Variants in TOX3 observed in about 807,000 individuals in gnomAD.
The protein encoded by TOX3 is TOX high mobility group box family member 3.
A neutral mutation model predicts 64.3 loss-of-function variants in TOX3; 22 were observed. That is an observed-to-expected ratio of 0.34 (90% confidence interval 0.24 to 0.49). TOX3 has a LOEUF of 0.49. Ranked by LOEUF, TOX3 falls within the 20% of genes least tolerant of loss-of-function variation. The pLI is 0.99. For synonymous variants in TOX3, 291 were observed against 273.6 expected (o/e 1.06, Z -0.63); for missense variants, 661 against 714.4 (o/e 0.93, Z 0.85).
chr16:52,546,908 G>A lies in TOX3; in HGVS notation c.-185C>T, dbSNP rs1370998825. ...AGCCGCGGCCGCCGCACACAAAGGC[G>A]CGGCCACGCGAGCCGCGGGAGAGCG... is the stretch of plus-strand genomic sequence containing the variant. On this transcript the variant is annotated 5_prime_UTR_variant, in exon 1 of 7. Transcript: ENST00000219746. 5.4e-6 allele frequency: 6 copies of A among 1,102,580 alleles called. No homozygotes were observed. The highest frequency in any genetic ancestry group is 8.9e-5 in the South Asian group (2 of 22,406). 68.3% of individuals were successfully genotyped at this position (1,102,580 alleles called of 1,614,324 possible). A position where few individuals can be genotyped will look rare whatever the true frequency, so the allele number is the denominator to read the frequency against.
Position 52,474,913 on chromosome 16 carries a change from A to G in TOX3, c.88-6339T>C, listed in dbSNP as rs183290863. Among the ~76,000 whole-genome samples the G allele has an allele frequency of 2.0e-5, 3 of 152,198 alleles. No individual in the cohort carries two copies. In the East Asian group the frequency reaches 5.8e-4, roughly 30 times the overall value. On this transcript the variant is annotated intron_variant, in intron 1 of 6. Transcript: ENST00000219746. ...TCCTTCCCCTTTCTCACACTCCTCT[A>G]GCCTACTGGCTTCCTATTGTTCCTT...
At chr16:52,532,458 C>A (rs1596865041) in intron 1 of TOX3, among the ~76,000 whole-genome samples, 1 of 152,178 alleles carries the variant, frequency 6.6e-6, no homozygotes, top group South Asian at 2.1e-4. Flanking sequence ...AACTGAGGGA[C>A]CCCGGTGGAC....
chr16:52,524,969 T>TA (rs10708737), intron 1 of TOX3, among the ~76,000 whole-genome samples: 1,882 of 144,864 alleles, frequency 0.013, 10 homozygotes, highest in Middle Eastern at 0.029. Context: ...ATTATTAAAT[T>TA]AAAAAAAAAA....
chr16:52,449,733 A>C (rs1960277052), intron 4 of TOX3, among the ~76,000 whole-genome samples: 1 of 152,272 alleles, frequency 6.6e-6, no homozygotes, highest in Non-Finnish European at 1.5e-5. Flanking sequence ...GCATTTGGAA[A>C]AGTCATACTG....
In TOX3 at chr16:52,467,086, C is replaced by T. The variant is rs1960889098; in HGVS notation, c.153+1423G>A. Among the ~76,000 whole-genome samples, 5 of 152,290 alleles carry T rather than the reference C, an allele frequency of 3.3e-5. No homozygotes were observed. In the South Asian group the frequency reaches 1.0e-3, roughly 32 times the overall value. On this transcript the variant is annotated intron_variant, in intron 2 of 6. Transcript: ENST00000219746. ...TGTACATGGTTAAATACCATCTGTA[C>T]TGAAATGTTCAAAACATTTGTTCCT...
At chr16:52,459,228 G>A (rs1295360051) in intron 3 of TOX3, among the ~76,000 whole-genome samples, 1 of 152,110 alleles carries the variant, frequency 6.6e-6, no homozygotes. Flanking sequence ...AGGATCGCTT[G>A]AACACGGGAG....
intron 1 of TOX3, among the ~76,000 whole-genome samples, chr16:52,515,670 G>C (rs1263426385): frequency 6.6e-6 from 1 of 152,218 alleles, no homozygotes; most frequent in East Asian, 1.9e-4. Flanking sequence ...CGATTTAAGA[G>C]CTTTGAATTT....
chr16:52,476,672 T>C (rs1045107899), intron 1 of TOX3, among the ~76,000 whole-genome samples: 3 of 152,140 alleles, frequency 2.0e-5, no homozygotes, highest in African/African-American at 7.2e-5. Flanking sequence ...ACTACATCTT[T>C]TGTGTTAATT....
At chr16:52,541,367 A>G (rs12597887) in intron 1 of TOX3, among the ~76,000 whole-genome samples, 1 of 152,032 alleles carries the variant, frequency 6.6e-6, no homozygotes, top group African/African-American at 2.4e-5. Context: ...AAAATCTTCA[A>G]ACTTGAAGCC....
Position 52,436,862 on chromosome 16 carries a change from G to A in TOX3, c.*2363C>T, listed in dbSNP as rs2151734597. On this transcript the variant is annotated 3_prime_UTR_variant, in exon 7 of 7. Transcript: ENST00000219746. ...CATTTTTTTCCAAGCAATACTTCAT[G>A]GGTTTTCAAAATGACAATTACAGAA... 6.6e-6 allele frequency: 1 copy of A among 152,252 alleles called. No individual in the cohort carries two copies. The highest frequency in any genetic ancestry group is 1.9e-4 in the East Asian group (1 of 5,188). The allele number at this position is 152,252 out of a possible 1,614,324, so 9.4% of individuals were successfully genotyped here.
intron 6 of TOX3, among the ~76,000 whole-genome samples, chr16:52,440,316 C>T (rs529378462): frequency 1.1e-4 from 16 of 152,150 alleles, no homozygotes; most frequent in Non-Finnish European, 2.2e-4. Context: ...CACTGCCAGC[C>T]AGCCAACTGT....
In TOX3 at chr16:52,546,835, G is replaced by C. The variant is rs1963207074; in HGVS notation, c.-112C>G. 1 of 1,250,008 alleles carries C rather than the reference G, an allele frequency of 8.0e-7. No homozygotes were observed. Among genetic ancestry groups the C allele is most frequent in the Non-Finnish European group, 1.0e-6 (1 of 997,426 alleles). 77.4% of individuals were successfully genotyped at this position (1,250,008 alleles called of 1,614,324 possible). On this transcript the variant is annotated 5_prime_UTR_variant, in exon 1 of 7. Coordinates refer to ENST00000219746, the MANE Select transcript of TOX3 (RefSeq NM_001080430.4). ...GAGGGCGCCCGGGGGTGGCGCGTGGGACTCGCGGCCGGAGGGGCGCCGGGA... is the reference window on the plus strand; with the variant it reads ...GAGGGCGCCCGGGGGTGGCGCGTGGCACTCGCGGCCGGAGGGGCGCCGGGA...
chr16:52,440,914 C>G (rs1364446594), intron 6 of TOX3, among the ~76,000 whole-genome samples: 1 of 151,818 alleles, frequency 6.6e-6, no homozygotes, highest in African/African-American at 2.4e-5. Flanking sequence ...GTGCCCACCA[C>G]CACACCCAGC....
At chr16:52,485,279 T>C (rs895345569) in intron 1 of TOX3, among the ~76,000 whole-genome samples, 1 of 147,348 alleles carries the variant, frequency 6.8e-6, no homozygotes, top group Non-Finnish European at 1.5e-5. Flanking sequence ...TATACATATC[T>C]CCCATGGAAT....
At chr16:52,494,832 A>G (rs1483617210) in intron 1 of TOX3, among the ~76,000 whole-genome samples, 1 of 152,154 alleles carries the variant, frequency 6.6e-6, no homozygotes, top group Non-Finnish European at 1.5e-5. Context: ...GGTTTTTTTC[A>G]GTTTGTTTGC....
At chr16:52,449,054 C>T (rs565288209) in intron 4 of TOX3, among the ~76,000 whole-genome samples, 2 of 152,188 alleles carry the variant, frequency 1.3e-5, no homozygotes, top group Non-Finnish European at 1.5e-5. Flanking sequence ...AAAATGCCTG[C>T]TAATCTGGTA....
intron 3 of TOX3, among the ~76,000 whole-genome samples, chr16:52,456,553 C>A (rs1347808127): frequency 6.6e-6 from 1 of 152,178 alleles, no homozygotes; most frequent in Non-Finnish European, 1.5e-5. Context: ...CTCTCTCCAC[C>A]TGATGAAAGA....
rs867483801 is a variant in TOX3 at position 52,446,018 on chromosome 16, G to A, written c.882C>T (p.Asp294=). The A allele has an allele frequency of 6.2e-7, 1 of 1,613,788 alleles. No homozygotes were observed. Among genetic ancestry groups the A allele is most frequent in the African/African-American group, 1.3e-5 (1 of 74,946 alleles). Residue 294 remains aspartate, a synonymous_variant, in exon 5 of 7, where the codon GAC becomes GAT. Transcript: ENST00000219746. Reference sequence around the variant, plus strand: ...CCTGCTTTTGTTCTTCTCCAAGGCTGTCCCACATAGATGCTACAATTTTTG... The same window carrying A: ...CCTGCTTTTGTTCTTCTCCAAGGCTATCCCACATAGATGCTACAATTTTTG... ...EVSKIVASMW[D]SLGEEQKQVY... is the part of the protein sequence containing the mutation.
chr16:52,537,900 A>G (rs1022723904), intron 1 of TOX3, among the ~76,000 whole-genome samples: 11 of 142,380 alleles, frequency 7.7e-5, no homozygotes, highest in African/African-American at 2.4e-4. Context: ...AAAAAAAAAA[A>G]GAAAGAAAAA....
Sources: allele counts gnomAD v4.1 joint callset (sites outside exome capture counted in the v4.1 genomes callset), GRCh38; gene constraint gnomAD v4.1.1; transcripts MANE v1.5; gene names NCBI Gene and HGNC (gene_info 2026-07-23, HGNC 2026-07-21).